Variants in ERMARD observed in about 807,000 individuals in gnomAD.
ERMARD encodes endoplasmic reticulum membrane-associated RNA degradation protein.
Under a neutral mutation model 83.9 loss-of-function variants are expected in ERMARD, and 71 were observed. That is an observed-to-expected ratio of 0.85 (90% CI 0.70 to 1.03). The LOEUF is 1.03. Ranked by LOEUF, ERMARD falls within the 50% of genes least tolerant of loss-of-function variation. ERMARD has a pLI of 0.00. For missense variants in ERMARD, 838 were observed against 810.9 expected, an observed-to-expected ratio of 1.03 and a Z score of -0.41; for synonymous variants, 284 against 298.6, an observed-to-expected ratio of 0.95 and a Z score of 0.50.
At chr6:169,779,393 TCC>T in intron 17 of ERMARD, 98 bp downstream of exon 17, 1 of 1,054,780 alleles carries the variant, frequency 9.5e-7, no homozygotes, top group East Asian at 2.4e-5. Context: ...AGTGACACTA[TCC>T]CCTTGGTGGC....
intron 12 of ERMARD, chr6:169,770,630 T>G (rs546594357): frequency 6.6e-6 from 1 of 152,068 alleles, no homozygotes; most frequent in Non-Finnish European, 1.5e-5. Flanking sequence ...ATTATTATTA[T>G]TTTTTATGAG....
Position 169,776,457 on chromosome 6 carries a change from G to A in ERMARD, c.1523G>A (p.Trp508Ter). 1 of 1,613,140 alleles carries A rather than the reference G, an allele frequency of 6.2e-7. No homozygotes were observed. Among genetic ancestry groups the A allele is most frequent in the South Asian group, 1.1e-5 (1 of 90,712 alleles). ...KDLDRLPTET[W>*]PQLLRELCST... Reference sequence around the variant, plus strand: ...TCCAAGTCTGGCTCTGTTTGCAGGTGGCCCCAGCTTCTCCGTGAGCTCTGC... The same window carrying A: ...TCCAAGTCTGGCTCTGTTTGCAGGTAGCCCCAGCTTCTCCGTGAGCTCTGC... Residue 508 changes from tryptophan to a stop codon, truncating the protein, a stop_gained and splice_region_variant, in exon 16 of 18, where the codon TGG becomes TAG. Transcript: ENST00000366773. LOFTEE classifies it high-confidence loss of function.
intron 5 of ERMARD, among the ~76,000 whole-genome samples, chr6:169,757,661 G>T (rs751114302): frequency 6.6e-6 from 1 of 152,180 alleles, no homozygotes; most frequent in Non-Finnish European, 1.5e-5. Flanking sequence ...TTGAGGCAGG[G>T]TCAAGATGGA....
chr6:169,756,040 C>G (rs1390137616), intron 3 of ERMARD, among the ~76,000 whole-genome samples: 1 of 152,078 alleles, frequency 6.6e-6, no homozygotes, highest in Admixed American at 6.5e-5. Flanking sequence ...AGGGCTCAGC[C>G]AAATCAAAAG....
At chr6:169,758,147 G>A (rs1315325431) in intron 5 of ERMARD, among the ~76,000 whole-genome samples, 1 of 152,230 alleles carries the variant, frequency 6.6e-6, no homozygotes. Flanking sequence ...CCCCTTGAGG[G>A]AAGTTCAGAA....
rs1422046013 is a variant in ERMARD at position 169,760,504 on chromosome 6, C to CT, written c.743-137dup. On this transcript the variant is annotated intron_variant, in intron 7 of 17. Coordinates refer to ENST00000366773, the MANE Select transcript of ERMARD (RefSeq NM_018341.3). ...CCCTTGGTCAGGGCAATCCTACTCT[C>CT]TAACAAGTCCCCTGCTGCAGGGGTC... is the stretch of plus-strand genomic sequence containing the variant. The CT allele has an allele frequency of 2.6e-4, 168 of 634,338 alleles. 1 individual carries two copies. In the East Asian group the frequency reaches 2.9e-3, roughly 11 times the overall value. The allele number at this position is 634,338 out of a possible 1,614,324, so 39.3% of individuals were successfully genotyped here.
chr6:169,756,696 C>G, intron 4 of ERMARD, 23 bp from the exon 5 acceptor site: 1 of 1,595,676 alleles, frequency 6.3e-7, no homozygotes, highest in Non-Finnish European at 8.6e-7. Context: ...ACAACTGTTA[C>G]ACAATTTTTG....
At chr6:169,778,769 G>C (rs551011358) in intron 16 of ERMARD, among the ~76,000 whole-genome samples, 1 of 152,350 alleles carries the variant, frequency 6.6e-6, no homozygotes, top group East Asian at 1.9e-4. Flanking sequence ...CAATCTGGTG[G>C]CATTGAGCCT....
At chr6:169,767,887 G>A (rs1792419917) in intron 10 of ERMARD, 2 of 575,298 alleles carry the variant, frequency 3.5e-6, no homozygotes, top group Admixed American at 6.1e-5. Context: ...AAACACACAT[G>A]TGTATACAAT....
At position 169,761,884 on chromosome 6, in the gene ERMARD, C is replaced by T. The variant is rs534453850; in HGVS notation, c.858-545C>T. ...TTTTAGTAGAGACGGGGTTTCGTCACATTGGTCAGGCTGGTCTCAAAGTCT... is the reference window on the plus strand; with the variant it reads ...TTTTAGTAGAGACGGGGTTTCGTCATATTGGTCAGGCTGGTCTCAAAGTCT... On this transcript the variant is annotated intron_variant, in intron 8 of 17. Coordinates refer to ENST00000366773, the MANE Select transcript of ERMARD (RefSeq NM_018341.3). Among the ~76,000 whole-genome samples, 9 of 152,096 alleles carry T rather than the reference C, an allele frequency of 5.9e-5. 1 individual carries two copies. In the South Asian group the frequency reaches 1.5e-3, roughly 25 times the overall value.
Position 169,755,327 on chromosome 6 carries a change from GT to G in ERMARD, c.221del (p.Val74GlyfsTer12). On this transcript the variant is annotated frameshift_variant, in exon 3 of 18. Coordinates refer to ENST00000366773, the MANE Select transcript of ERMARD (RefSeq NM_018341.3). LOFTEE classifies it high-confidence loss of function. Reference sequence around the variant, plus strand: ...GGGAAGCGTGAGGCTGCTGGGCCCTGTGTGTGAGGCTGTCCATTCACATTTC... The same window carrying G: ...GGGAAGCGTGAGGCTGCTGGGCCCTGGTGTGAGGCTGTCCATTCACATTTC... ...YWGSVRLLGP[V>X]CEAVHSHFLS... 10 of 1,614,154 alleles carry G rather than the reference GT, an allele frequency of 6.2e-6. No individual in the cohort carries two copies. Among genetic ancestry groups the G allele is most frequent in the Non-Finnish European group, 8.5e-6 (10 of 1,180,028 alleles).
rs142350636 is a variant in ERMARD at position 169,756,675 on chromosome 6, T to A, written c.418-44T>A. Reference sequence around the variant, plus strand: ...CATGGATAATGTTTTTAATGTTTATTGGCTCATAATACAACTGTTACACAA... The same window carrying A: ...CATGGATAATGTTTTTAATGTTTATAGGCTCATAATACAACTGTTACACAA... On this transcript the variant is annotated intron_variant, in intron 4 of 17. Transcript: ENST00000366773. The A allele has an allele frequency of 4.7e-4, 708 of 1,518,332 alleles. 10 individuals carry two copies. In the East Asian group the frequency reaches 0.013, roughly 29 times the overall value. The allele number at this position is 1,518,332 out of a possible 1,614,324, so 94.1% of individuals were successfully genotyped here. A position where few individuals can be genotyped will look rare whatever the true frequency, so the allele number is the denominator to read the frequency against.
At chr6:169,764,382 G>A (rs563844828) in intron 9 of ERMARD, among the ~76,000 whole-genome samples, 8 of 149,986 alleles carry the variant, frequency 5.3e-5, no homozygotes, top group African/African-American at 1.5e-4. Flanking sequence ...TCCCACCTCC[G>A]CCCCCCGAGT....
At chr6:169,773,489 C>G (rs1793221444) in intron 13 of ERMARD, 87 bp downstream of exon 13, 1 of 1,341,350 alleles carries the variant, frequency 7.5e-7, no homozygotes, top group African/African-American at 1.4e-5. Flanking sequence ...GTGCAGTTTG[C>G]TTGCTGAGTC....
intron 16 of ERMARD, 52 bp downstream of exon 16, chr6:169,776,725 C>G: frequency 6.3e-7 from 1 of 1,594,516 alleles, no homozygotes; most frequent in Non-Finnish European, 8.6e-7. Context: ...AGGAAGTTGT[C>G]ACAGATGCAG....
At chr6:169,752,792 G>T (rs942393676) in intron 1 of ERMARD, among the ~76,000 whole-genome samples, 1 of 152,150 alleles carries the variant, frequency 6.6e-6, no homozygotes, top group Non-Finnish European at 1.5e-5. Flanking sequence ...TGGGGTAATT[G>T]TGAGGATTTC....
chr6:169,771,956 T>A (rs933583517), intron 12 of ERMARD: 3 of 152,240 alleles, frequency 2.0e-5, no homozygotes, highest in African/African-American at 7.2e-5. Flanking sequence ...CATGTTGCAG[T>A]GAGCCGAGAT....
Position 169,766,685 on chromosome 6 carries a change from T to TA in ERMARD, c.990+20dup. 6.4e-7 allele frequency: 1 copy of TA among 1,563,862 alleles called. No homozygotes were observed. On this transcript the variant is annotated intron_variant, in intron 10 of 17. Coordinates refer to ENST00000366773, the MANE Select transcript of ERMARD (RefSeq NM_018341.3). ...TTGATCAAGTAAGTAAGTAAACTTG[T>TA]AAGGTAACTTGAAACAAACAGAACG...
chr6:169,751,805 C>A, intron 1 of ERMARD, 142 bp downstream of exon 1: 1 of 1,244,394 alleles, frequency 8.0e-7, no homozygotes, highest in Non-Finnish European at 1.1e-6. Context: ...GCGCTGGCGA[C>A]GTCGCGGCCC....
Sources: gnomAD v4.1 joint callset for allele counts (sites outside exome capture counted in the v4.1 genomes callset) on GRCh38, gnomAD v4.1.1 for gene constraint, MANE v1.5 for transcripts, NCBI Gene and HGNC (gene_info 2026-07-23, HGNC 2026-07-21) for gene names.